The following ZNF286A variants were observed in gnomAD, a reference collection of about 807,000 sequenced individuals.
ZNF286A encodes zinc finger protein ZNF286.
A neutral mutation model predicts 49.3 loss-of-function variants in ZNF286A; 34 were observed. The observed-to-expected ratio is 0.69, with a 90% CI of 0.52 to 0.92. The LOEUF (loss-of-function observed/expected upper bound fraction) is 0.92, where lower values mean the gene tolerates loss of function less well. Among genes scored for constraint, ZNF286A ranks in the 40% least tolerant of loss-of-function variants. ZNF286A has a pLI of 0.00. For synonymous variants in ZNF286A, 155 were observed against 200.4 expected (o/e 0.77, Z 1.91); for missense variants, 462 against 600.2 (o/e 0.77, Z 2.41).
chr17:15,710,517 A>T (rs916506124), intron 5 of ZNF286A, among the ~76,000 whole-genome samples: 6 of 152,184 alleles, frequency 3.9e-5, no homozygotes, highest in African/African-American at 7.2e-5. Context: ...TGGTAAACCC[A>T]GTTCCTCAGC....
chr17:15,714,931 A>G (rs1031033706), intron 5 of ZNF286A, among the ~76,000 whole-genome samples: 1 of 152,050 alleles, frequency 6.6e-6, no homozygotes, highest in Admixed American at 6.5e-5. Context: ...AAACAAATCT[A>G]TGTTTTGTTC....
chr17:15,708,274 T>C (rs1333396946), intron 5 of ZNF286A, 27 bp downstream of exon 5: 10 of 1,535,612 alleles, frequency 6.5e-6, no homozygotes, highest in Admixed American at 5.8e-5. Flanking sequence ...GGAGTCTTCA[T>C]AAATGATAGC....
chr17:15,708,023 TAAA>T (rs531083403), intron 4 of ZNF286A, 129 bp from the exon 5 acceptor site: 8 of 501,116 alleles, frequency 1.6e-5, no homozygotes, highest in Admixed American at 4.3e-5. Flanking sequence ...TTTTATAAAT[TAAA>T]AAAAAAGAAA....
chr17:15,706,331 G>C (rs1990223404), intron 3 of ZNF286A, 56 bp from the exon 4 acceptor site: 1 of 1,448,912 alleles, frequency 6.9e-7, no homozygotes, highest in African/African-American at 1.4e-5. Flanking sequence ...AGAAACTGGG[G>C]GATGAAAGAG....
intron 3 of ZNF286A, among the ~76,000 whole-genome samples, chr17:15,703,524 G>GTAAA (rs1177310858): frequency 6.6e-6 from 1 of 151,732 alleles, no homozygotes; most frequent in African/African-American, 2.4e-5. Flanking sequence ...ATACAGAAAT[G>GTAAA]TAAAGGTAAT....
At chr17:15,701,020 G>C in intron 2 of ZNF286A, 132 bp from the exon 3 acceptor site, 7 of 619,362 alleles carry the variant, frequency 1.1e-5, no homozygotes, top group Non-Finnish European at 1.7e-5. Context: ...GGAGGAGGTC[G>C]GTTGTTTTGG....
chr17:15,713,592 T>C (rs1425600739), intron 5 of ZNF286A, among the ~76,000 whole-genome samples: 1 of 151,882 alleles, frequency 6.6e-6, no homozygotes, highest in Non-Finnish European at 1.5e-5. Flanking sequence ...TTAGGTACAA[T>C]GTAGAATCTG....
At chr17:15,708,406 A>G in intron 5 of ZNF286A, 159 bp downstream of exon 5, 2 of 471,196 alleles carry the variant, frequency 4.2e-6, no homozygotes, top group Non-Finnish European at 7.3e-6. Context: ...AAAATAAAAT[A>G]ACATTCATGT....
rs1379336801 is a variant in ZNF286A at position 15,716,780 on chromosome 17, G to A, written c.1056G>A (p.Lys352=). Residue 352 remains lysine, a synonymous_variant, in exon 6 of 6, where the codon AAG becomes AAA. Transcript: ENST00000583566. ...ATCAGTTGATTCATACTGGAGTGAA[G>A]CCTTATGAATGTAATGAATGTGATA... The part of the protein sequence containing the change: ...VQHQLIHTGV[K]PYECNECDKA... The A allele has an allele frequency of 6.2e-7, 1 of 1,613,910 alleles. No individual in the cohort carries two copies. Among genetic ancestry groups the A allele is most frequent in the South Asian group, 1.1e-5 (1 of 91,068 alleles).
At position 15,717,415 on chromosome 17, in the gene ZNF286A, T is replaced by G. The variant is rs1246373971; in HGVS notation, c.*125T>G. 1 of 1,443,816 alleles carries G rather than the reference T, an allele frequency of 6.9e-7. No homozygotes were observed. The highest frequency in any genetic ancestry group is 9.2e-7 in the Non-Finnish European group (1 of 1,084,646). The allele number at this position is 1,443,816 out of a possible 1,614,324, so 89.4% of individuals were successfully genotyped here. ...CAATTCTGTATGCATCTAATTTCAT[T>G]TGCGTAATACATAGTTTTGAGCCAT... On this transcript the variant is annotated 3_prime_UTR_variant, in exon 6 of 6. Transcript: ENST00000583566.
intron 5 of ZNF286A, among the ~76,000 whole-genome samples, chr17:15,714,308 T>G (rs534702050): frequency 6.0e-4 from 91 of 152,068 alleles, no homozygotes; most frequent in Non-Finnish European, 1.2e-3. Flanking sequence ...TACAACATCA[T>G]GGAAAATGTT....
chr17:15,712,152 G>A (rs1334139423), intron 5 of ZNF286A, among the ~76,000 whole-genome samples: 25 of 152,172 alleles, frequency 1.6e-4, no homozygotes, highest in Non-Finnish European at 2.9e-4. Flanking sequence ...GATTACAGGC[G>A]TGAGCCACTG....
At chr17:15,699,819 C>T (rs1371081256) in intron 1 of ZNF286A, 42 bp downstream of exon 1, 6 of 702,686 alleles carry the variant, frequency 8.5e-6, no homozygotes, top group Admixed American at 2.0e-5. Flanking sequence ...GGCTCGGCCT[C>T]GGCGGTGGTT....
At chr17:15,713,009 A>T (rs1966869087) in intron 5 of ZNF286A, among the ~76,000 whole-genome samples, 1 of 152,132 alleles carries the variant, frequency 6.6e-6, no homozygotes, top group African/African-American at 2.4e-5. Flanking sequence ...AAGACCCTAA[A>T]GATGTTTGAT....
At chr17:15,704,775 G>A in intron 3 of ZNF286A, 1 of 1,614,050 alleles carries the variant, frequency 6.2e-7, no homozygotes, top group Non-Finnish European at 8.5e-7. Context: ...TGACCTGGAG[G>A]TCGGTGAGGT....
rs1478457921 is a variant in ZNF286A, at chr17:15,720,263, C to G, written c.*2973C>G. 1 of 151,634 alleles carries G rather than the reference C, an allele frequency of 6.6e-6. No homozygotes were observed. Among genetic ancestry groups the G allele is most frequent in the African/African-American group, 2.4e-5 (1 of 41,226 alleles). 9.4% of individuals were successfully genotyped at this position (151,634 alleles called of 1,614,324 possible). A position where few individuals can be genotyped will look rare whatever the true frequency, so the allele number is the denominator to read the frequency against. On this transcript the variant is annotated 3_prime_UTR_variant, in exon 6 of 6. Transcript: ENST00000583566. ...ATAAATATAGAGTCCCCCACTCCTG[C>G]TTGGTGCTCTCTTTCTCTCTCCTTC...
In ZNF286A at chr17:15,716,223, G is replaced by T; in HGVS notation, c.499G>T (p.Gly167Ter). The T allele has an allele frequency of 1.9e-6, 3 of 1,613,820 alleles. No homozygotes were observed. The highest frequency in any genetic ancestry group is 2.5e-6 in the Non-Finnish European group (3 of 1,179,826). Residue 167 changes from glycine to a stop codon, truncating the protein, a stop_gained, in exon 6 of 6, where the codon GGA becomes TGA. Transcript: ENST00000583566. LOFTEE classifies it high-confidence loss of function. ...TGAAAATTGGTTAGAGAATCAGCAA[G>T]GAAATCAGGAGAGACATTTGAGAGA... ...ECENWLENQQGNQERHLREMF... is the reference protein window; with the variant it reads ...ECENWLENQQ
At chr17:15,709,874 G>A (rs1990526159) in intron 5 of ZNF286A, 1 of 1,544,328 alleles carries the variant, frequency 6.5e-7, no homozygotes, top group African/African-American at 1.4e-5. Flanking sequence ...GCTGGTTTAG[G>A]GAGATAACTG....
intron 4 of ZNF286A, among the ~76,000 whole-genome samples, chr17:15,707,529 A>G (rs1990330853): frequency 6.6e-6 from 1 of 152,098 alleles, no homozygotes; most frequent in Admixed American, 6.5e-5. Context: ...CCACCGTTAC[A>G]GTTATGTGGT....
Sources: gnomAD v4.1 joint callset for allele counts (sites outside exome capture counted in the v4.1 genomes callset) on GRCh38, gnomAD v4.1.1 for gene constraint, MANE v1.5 for transcripts, NCBI Gene and HGNC (gene_info 2026-07-23, HGNC 2026-07-21) for gene names.